CLSTN1: variants seen among roughly 807,000 people sequenced by gnomAD.
CLSTN1 encodes calsyntenin 1, also known as calsyntenin-1.
In CLSTN1, 28 loss-of-function variants were observed where a neutral mutation model predicts 108.3. That is an observed-to-expected ratio of 0.26 (90% confidence interval 0.19 to 0.35). CLSTN1 has a LOEUF of 0.35. Among genes scored for constraint, CLSTN1 ranks in the 10% least tolerant of loss-of-function variants. CLSTN1 has a pLI of 1.00. For synonymous variants in CLSTN1, 524 were observed against 534.9 expected (o/e 0.98, Z 0.28); for missense variants, 1,157 against 1,302.6 (o/e 0.89, Z 1.72).
intron 1 of CLSTN1, among the ~76,000 whole-genome samples, chr1:9,793,218 TGCCAG>T (rs1653846322): frequency 6.6e-6 from 1 of 151,168 alleles, no homozygotes; most frequent in Non-Finnish European, 1.5e-5. Flanking sequence ...TCACCATGTT[TGCCAG>T]GCTGGTCTCG....
intron 10 of CLSTN1, among the ~76,000 whole-genome samples, chr1:9,739,671 C>G (rs970399697): frequency 6.6e-6 from 1 of 151,940 alleles, no homozygotes; most frequent in Non-Finnish European, 1.5e-5. Flanking sequence ...CAGTGAGACC[C>G]CATTTTTATA....
At chr1:9,803,764 T>C (rs980035341) in intron 1 of CLSTN1, among the ~76,000 whole-genome samples, 2 of 152,068 alleles carry the variant, frequency 1.3e-5, no homozygotes, top group African/African-American at 4.8e-5. Context: ...ATCACACCAC[T>C]GCACTCCAGC....
chr1:9,744,067 G>A, intron 8 of CLSTN1, 62 bp from the exon 9 acceptor site: 1 of 1,591,012 alleles, frequency 6.3e-7, no homozygotes, highest in Non-Finnish European at 8.6e-7. Flanking sequence ...AATTAAAGCT[G>A]TTTCTTGAAT....
chr1:9,809,864 G>A (rs1654657880), intron 1 of CLSTN1, among the ~76,000 whole-genome samples: 1 of 150,794 alleles, frequency 6.6e-6, no homozygotes. Flanking sequence ...TCACACCACC[G>A]CACTCTAGCC....
intron 1 of CLSTN1, among the ~76,000 whole-genome samples, chr1:9,778,952 G>A (rs1173616567): frequency 1.3e-5 from 2 of 152,058 alleles, no homozygotes; most frequent in East Asian, 3.9e-4. Flanking sequence ...GAACCCAGGA[G>A]GCAGAGGTTG....
chr1:9,787,822 G>A (rs1181321443), intron 1 of CLSTN1, among the ~76,000 whole-genome samples: 2 of 151,242 alleles, frequency 1.3e-5, no homozygotes. Flanking sequence ...TCATCCAACC[G>A]TCACCACCAC....
intron 2 of CLSTN1, among the ~76,000 whole-genome samples, chr1:9,771,130 G>A (rs1652655119): frequency 6.6e-6 from 1 of 152,126 alleles, no homozygotes; most frequent in Non-Finnish European, 1.5e-5. Context: ...ACACAAGCCT[G>A]GACTGCAATC....
intron 2 of CLSTN1, among the ~76,000 whole-genome samples, chr1:9,761,311 G>A (rs1170641261): frequency 3.3e-5 from 5 of 152,094 alleles, no homozygotes; most frequent in Admixed American, 1.3e-4. Flanking sequence ...TGGCCAACAC[G>A]GTGAAATCCT....
At chr1:9,742,028 A>AG (rs1231111335) in intron 9 of CLSTN1, among the ~76,000 whole-genome samples, 1 of 152,226 alleles carries the variant, frequency 6.6e-6, no homozygotes, top group Non-Finnish European at 1.5e-5. Context: ...ATCAGCTCCA[A>AG]GGGCACCCCA....
chr1:9,755,768 G>T (rs1651777483), intron 3 of CLSTN1, among the ~76,000 whole-genome samples: 1 of 147,818 alleles, frequency 6.8e-6, no homozygotes, highest in Non-Finnish European at 1.5e-5. Context: ...GTGAGATATA[G>T]GATCAGCACC....
intron 1 of CLSTN1, among the ~76,000 whole-genome samples, chr1:9,793,107 G>A (rs1370108479): frequency 6.6e-6 from 1 of 151,308 alleles, no homozygotes; most frequent in African/African-American, 2.4e-5. Context: ...CCACCTTCCA[G>A]ATTCAAGCGA....
intron 1 of CLSTN1, among the ~76,000 whole-genome samples, chr1:9,787,019 C>G (rs906052991): frequency 6.6e-6 from 1 of 151,232 alleles, no homozygotes; most frequent in Admixed American, 6.7e-5. Flanking sequence ...GTCCCAAGAA[C>G]GAAGTTGGGG....
chr1:9,800,124 AAAAG>A (rs1162118777), intron 1 of CLSTN1, among the ~76,000 whole-genome samples: 3 of 152,148 alleles, frequency 2.0e-5, no homozygotes, highest in African/African-American at 2.4e-5. Flanking sequence ...ATATTAGAAA[AAAAG>A]AAAGAGCTAA....
At chr1:9,754,364 A>G (rs982258147) in intron 4 of CLSTN1, among the ~76,000 whole-genome samples, 1 of 151,974 alleles carries the variant, frequency 6.6e-6, no homozygotes, top group Admixed American at 6.6e-5. Flanking sequence ...GTTTGATACC[A>G]GCCTGGCCAA....
At chr1:9,798,450 C>T (rs1291901172) in intron 1 of CLSTN1, among the ~76,000 whole-genome samples, 1 of 152,120 alleles carries the variant, frequency 6.6e-6, no homozygotes, top group Non-Finnish European at 1.5e-5. Context: ...AATTATGAAA[C>T]TCAGAACATT....
intron 1 of CLSTN1, among the ~76,000 whole-genome samples, chr1:9,799,786 C>T (rs1314461452): frequency 6.6e-6 from 1 of 151,028 alleles, no homozygotes; most frequent in East Asian, 2.0e-4. Context: ...ACTAAAAATA[C>T]AAAAATTAGC....
intron 16 of CLSTN1, among the ~76,000 whole-genome samples, chr1:9,732,948 T>C (rs563667360): frequency 6.6e-6 from 1 of 152,312 alleles, no homozygotes; most frequent in African/African-American, 2.4e-5. Flanking sequence ...CCTAGCACTT[T>C]TGGAGGCCAA....
chr1:9,810,707 G>A (rs1050798847), intron 1 of CLSTN1, among the ~76,000 whole-genome samples: 5 of 151,386 alleles, frequency 3.3e-5, no homozygotes, highest in Admixed American at 3.3e-4. Context: ...CCTGGGAGGC[G>A]GAGGTTGCAG....
Position 9,735,158 on chromosome 1 carries a change from T to G in CLSTN1, c.1900A>C (p.Thr634Pro), listed in dbSNP as rs951561476. Residue 634 changes from threonine (T) to proline (P), a missense_variant, in exon 14 of 19, where the codon ACC becomes CCC. Transcript: ENST00000377298. The stretch of plus-strand genomic sequence containing the variant: ...TCTACCGGGGGGACCGAAATGCAGG[T>G]GGCCTCGTTAAAACACCTGCCAGCA... ...TSTIKCFNEA[T>P]CISVPPVDGY... The G allele has an allele frequency of 1.3e-4, 205 of 1,614,006 alleles. No individual in the cohort carries two copies. The highest frequency in any genetic ancestry group is 1.7e-4 in the Non-Finnish European group (201 of 1,180,026).
Sources: allele counts gnomAD v4.1 joint callset (sites outside exome capture counted in the v4.1 genomes callset), GRCh38; gene constraint gnomAD v4.1.1; transcripts MANE v1.5; gene names NCBI Gene and HGNC (gene_info 2026-07-23, HGNC 2026-07-21).